SUCLG2: variants seen among roughly 807,000 people sequenced by gnomAD.
The protein encoded by SUCLG2 is succinate--CoA ligase [GDP-forming] subunit beta, mitochondrial.
Under a neutral mutation model 47.9 loss-of-function variants are expected in SUCLG2, and 42 were observed. The ratio of observed to expected loss-of-function variants is 0.88; its 90% CI spans 0.69 to 1.14. SUCLG2 has a LOEUF of 1.14. Among genes scored for constraint, SUCLG2 ranks in the 50% most tolerant of loss-of-function variants. SUCLG2 has a pLI of 0.00. For synonymous variants in SUCLG2, 195 were observed against 197.3 expected (o/e 0.99, Z 0.10); for missense variants, 571 against 525.9 (o/e 1.09, Z -0.84).
chr3:67,411,131 A>G (rs915921516), intron 9 of SUCLG2, among the ~76,000 whole-genome samples: 4 of 152,164 alleles, frequency 2.6e-5, no homozygotes, highest in South Asian at 2.1e-4. Context: ...TTGTTGCAAC[A>G]TATCAGTCTC....
At chr3:67,394,398 G>A (rs1346529078) in intron 10 of SUCLG2, among the ~76,000 whole-genome samples, 9 of 148,950 alleles carry the variant, frequency 6.0e-5, no homozygotes, top group South Asian at 2.1e-4. Flanking sequence ...GAGCCGATGC[G>A]ATCAACTGGA....
intron 2 of SUCLG2, among the ~76,000 whole-genome samples, chr3:67,603,635 C>T (rs542075081): frequency 7.9e-5 from 12 of 152,210 alleles, no homozygotes; most frequent in East Asian, 1.9e-4. Context: ...GCTTTTGAAA[C>T]GCAATTTTCT....
intron 2 of SUCLG2, among the ~76,000 whole-genome samples, chr3:67,552,839 AT>A (rs1339497803): frequency 1.3e-5 from 2 of 152,234 alleles, no homozygotes; most frequent in Non-Finnish European, 2.9e-5. Context: ...ACCTTAAATT[AT>A]CTGATTTGGC....
chr3:67,493,692 G>T, intron 9 of SUCLG2, among the ~76,000 whole-genome samples: 1 of 152,102 alleles, frequency 6.6e-6, no homozygotes, highest in East Asian at 1.9e-4. Context: ...TATTACAATC[G>T]TCTGTCCTCT....
chr3:67,487,205 G>A (rs1705076537), intron 9 of SUCLG2, among the ~76,000 whole-genome samples: 1 of 151,712 alleles, frequency 6.6e-6, no homozygotes, highest in Non-Finnish European at 1.5e-5. Flanking sequence ...GGGGTGGGGG[G>A]AATACCATTT....
intron 4 of SUCLG2, among the ~76,000 whole-genome samples, chr3:67,523,480 G>A (rs935869293): frequency 3.3e-5 from 5 of 152,156 alleles, no homozygotes; most frequent in Non-Finnish European, 7.4e-5. Flanking sequence ...CCAGTCTTCA[G>A]GTTGCTTGAA....
chr3:67,367,807 T>C (rs1701895566), intron 10 of SUCLG2, among the ~76,000 whole-genome samples: 1 of 152,086 alleles, frequency 6.6e-6, no homozygotes, highest in Non-Finnish European at 1.5e-5. Flanking sequence ...TCCACACTTA[T>C]ATTTTAGTTT....
chr3:67,381,091 C>T (rs1036707579), intron 10 of SUCLG2, among the ~76,000 whole-genome samples: 2 of 152,150 alleles, frequency 1.3e-5, no homozygotes, highest in Non-Finnish European at 1.5e-5. Context: ...GTCAGAGGAC[C>T]GCTTGAGCAC....
At chr3:67,593,597 C>T (rs1708225196) in intron 2 of SUCLG2, among the ~76,000 whole-genome samples, 1 of 152,210 alleles carries the variant, frequency 6.6e-6, no homozygotes, top group Non-Finnish European at 1.5e-5. Context: ...ACTTGGAAGA[C>T]CATAATGACA....
rs1559548434 is a variant in SUCLG2, at chr3:67,498,305, GA to G, written c.758-11del. Reference sequence around the variant, plus strand: ...GCATCAAAACAGACAACTAAATAAAGAAGAAAACAATCATACTTGAATATCT... The same window carrying G: ...GCATCAAAACAGACAACTAAATAAAGAGAAAACAATCATACTTGAATATCT... On this transcript the variant is annotated splice_polypyrimidine_tract_variant and intron_variant, in intron 7 of 10. Coordinates refer to ENST00000307227, the MANE Select transcript of SUCLG2 (RefSeq NM_003848.4). The G allele has an allele frequency of 1.5e-6, 2 of 1,364,370 alleles. No homozygotes were observed. 84.5% of individuals were successfully genotyped at this position (1,364,370 alleles called of 1,614,324 possible). A position where few individuals can be genotyped will look rare whatever the true frequency, so the allele number is the denominator to read the frequency against.
At chr3:67,588,177 G>A (rs1167570607) in intron 2 of SUCLG2, among the ~76,000 whole-genome samples, 1 of 152,098 alleles carries the variant, frequency 6.6e-6, no homozygotes, top group African/African-American at 2.4e-5. Context: ...GGTTACTGTT[G>A]AAGAAACATC....
intron 10 of SUCLG2, among the ~76,000 whole-genome samples, chr3:67,381,223 TA>T (rs763655884): frequency 4.0e-5 from 5 of 123,510 alleles, no homozygotes; most frequent in East Asian, 2.3e-4. Context: ...TAAAATAAAA[TA>T]AAAGTAAAAC....
At position 67,643,657 on chromosome 3, in the gene SUCLG2, T is replaced by C. The variant is rs553784887; in HGVS notation, c.84+10846A>G. 3.9e-5 allele frequency among the ~76,000 whole-genome samples: 6 copies of C among 152,290 alleles called. No individual in the cohort carries two copies. In the South Asian group the frequency reaches 6.2e-4, roughly 16 times the overall value. ...CAACACCAAACACATCTCACTGTAA[T>C]TGCCCATTTCTCATCAGTCTCCAAC... On this transcript the variant is annotated intron_variant, in intron 1 of 10. Transcript: ENST00000307227.
At chr3:67,383,103 T>G (rs545592887) in intron 10 of SUCLG2, among the ~76,000 whole-genome samples, 1 of 152,340 alleles carries the variant, frequency 6.6e-6, no homozygotes, top group Admixed American at 6.5e-5. Flanking sequence ...TTCTTTGAGA[T>G]GATATGTGCC....
chr3:67,416,875 T>A (rs1019390049), intron 9 of SUCLG2, among the ~76,000 whole-genome samples: 1 of 152,150 alleles, frequency 6.6e-6, no homozygotes, highest in African/African-American at 2.4e-5. Context: ...TAAGGCAAGA[T>A]CAGTATGAAC....
At chr3:67,478,831 T>G (rs1704836327) in intron 9 of SUCLG2, among the ~76,000 whole-genome samples, 1 of 152,210 alleles carries the variant, frequency 6.6e-6, no homozygotes, top group Non-Finnish European at 1.5e-5. Flanking sequence ...CTCACCATAC[T>G]ACTGGGACTC....
chr3:67,411,865 T>C (rs1702939562), intron 9 of SUCLG2, among the ~76,000 whole-genome samples: 1 of 152,084 alleles, frequency 6.6e-6, no homozygotes, highest in Admixed American at 6.6e-5. Context: ...GAAAACCAAA[T>C]AAACAATAAT....
At chr3:67,361,023 A>G (rs1226035948) in intron 10 of SUCLG2, among the ~76,000 whole-genome samples, 2 of 152,210 alleles carry the variant, frequency 1.3e-5, no homozygotes, top group African/African-American at 4.8e-5. Context: ...GAAACAAGTA[A>G]GTGTCCTACG....
chr3:67,530,194 T>G (rs1443020424), intron 2 of SUCLG2, among the ~76,000 whole-genome samples: 1 of 152,178 alleles, frequency 6.6e-6, no homozygotes, highest in Non-Finnish European at 1.5e-5. Flanking sequence ...AATCTGGCCT[T>G]CATCCCTCAC....
Sources: gnomAD v4.1 joint callset for allele counts (sites outside exome capture counted in the v4.1 genomes callset) on GRCh38, gnomAD v4.1.1 for gene constraint, MANE v1.5 for transcripts, NCBI Gene and HGNC (gene_info 2026-07-23, HGNC 2026-07-21) for gene names.